PFAS: variants seen among roughly 807,000 people sequenced by gnomAD.
The protein encoded by PFAS is phosphoribosylformylglycinamidine synthase, also known as FGAM synthase.
PFAS carries 97 observed loss-of-function variants against 140.6 expected under a neutral mutation model. The observed-to-expected ratio is 0.69, with a 90% CI of 0.59 to 0.82. The LOEUF (loss-of-function observed/expected upper bound fraction) is 0.82. PFAS is among the 40% of genes least tolerant of loss of function. The pLI is 0.00. For missense variants in PFAS, 1,656 were observed against 1,780.2 expected, an observed-to-expected ratio of 0.93 and a Z score of 1.26; for synonymous variants, 679 against 718.8, an observed-to-expected ratio of 0.94 and a Z score of 0.88.
In PFAS at chr17:8,255,555, CGACCGGATGACAGAGCAGCACT is replaced by C; in HGVS notation, c.439_460del (p.Asp147SerfsTer42). 6.5e-7 allele frequency: 1 copy of C among 1,543,506 alleles called. No individual in the cohort carries two copies. Among genetic ancestry groups the C allele is most frequent in the Non-Finnish European group, 8.7e-7 (1 of 1,151,334 alleles). ...AAGCCATTGCTCTGGCTACCCTGCA[CGACCGGATGACAGAGCAGCACT>C]TCCCCCATCCCATCCAGAGTTTCTC... On this transcript the variant is annotated frameshift_variant, in exon 5 of 28. Coordinates refer to ENST00000314666, the MANE Select transcript of PFAS (RefSeq NM_012393.3). LOFTEE classifies it high-confidence loss of function.
chr17:8,269,880 C>G lies in PFAS; in HGVS notation c.*616C>G, dbSNP rs376809791. ...TATTTGCTTCTAAATTAGCAGCTCT[C>G]TTTTTTTTTTTTTTTTTGAGGCAGT... is the stretch of plus-strand genomic sequence containing the variant. On this transcript the variant is annotated 3_prime_UTR_variant, in exon 28 of 28. Transcript: ENST00000314666. 1 of 138,912 alleles carries G rather than the reference C, an allele frequency of 7.2e-6. No individual in the cohort carries two copies. The highest frequency in any genetic ancestry group is 2.6e-5 in the African/African-American group (1 of 37,994). The allele number at this position is 138,912 out of a possible 1,614,324, so 8.6% of individuals were successfully genotyped here. A position where few individuals can be genotyped will look rare whatever the true frequency, so the allele number is the denominator to read the frequency against.
At position 8,256,255 on chromosome 17, in the gene PFAS, C is replaced by T. The variant is rs753373433; in HGVS notation, c.681-12C>T. The T allele has an allele frequency of 8.1e-6, 13 of 1,612,516 alleles. No individual in the cohort carries two copies. Among genetic ancestry groups the T allele is most frequent in the African/African-American group, 1.3e-5 (1 of 74,918 alleles). ...TCCACCTGCCTTCCCCTCCCTGCAT[C>T]GCCCCCTGCAGCGAGCACAGCCGAC... On this transcript the variant is annotated splice_polypyrimidine_tract_variant and intron_variant, in intron 6 of 27. Transcript: ENST00000314666.
At chr17:8,254,447 C>A in intron 3 of PFAS, 146 bp downstream of exon 3, 2 of 854,316 alleles carry the variant, frequency 2.3e-6, no homozygotes, top group Non-Finnish European at 3.7e-6. Flanking sequence ...TAGATCCCTC[C>A]AAAGACCTAG....
chr17:8,269,570 G>A lies in PFAS; in HGVS notation c.*306G>A. On this transcript the variant is annotated 3_prime_UTR_variant, in exon 28 of 28. Transcript: ENST00000314666. Reference sequence around the variant, plus strand: ...TGAGGTCCGAACAGGGGCTTCTGTTGCCCACTTCACAACACCCAGTGATCA... The same window carrying A: ...TGAGGTCCGAACAGGGGCTTCTGTTACCCACTTCACAACACCCAGTGATCA... The A allele has an allele frequency of 3.1e-6, 1 of 326,046 alleles. No homozygotes were observed. Among genetic ancestry groups the A allele is most frequent in the Non-Finnish European group, 5.7e-6 (1 of 176,582 alleles). The allele number at this position is 326,046 out of a possible 1,614,324, so 20.2% of individuals were successfully genotyped here. A position where few individuals can be genotyped will look rare whatever the true frequency, so the allele number is the denominator to read the frequency against.
chr17:8,258,572 G>C (rs922520246), intron 11 of PFAS, among the ~76,000 whole-genome samples: 16 of 152,260 alleles, frequency 1.1e-4, no homozygotes, highest in Admixed American at 1.0e-3. Flanking sequence ...CAGGCAGGGT[G>C]GCTCGCACCT....
At chr17:8,257,440 C>T (rs932686679) in intron 9 of PFAS, among the ~76,000 whole-genome samples, 1 of 152,226 alleles carries the variant, frequency 6.6e-6, no homozygotes, top group Admixed American at 6.5e-5. Flanking sequence ...CCTATAGTCC[C>T]AGCTACTCAG....
At chr17:8,260,006 C>T (rs62063139) in intron 11 of PFAS, among the ~76,000 whole-genome samples, 13,081 of 151,532 alleles carry the variant, frequency 0.086, 906 homozygotes, top group African/African-American at 0.18. Flanking sequence ...GAGGCTGAGG[C>T]AGGAGAATCA....
At chr17:8,258,300 A>G (rs1989456506) in intron 11 of PFAS, 101 bp downstream of exon 11, 5 of 1,278,932 alleles carry the variant, frequency 3.9e-6, no homozygotes, top group South Asian at 1.3e-5. Context: ...GTTAGTTTTT[A>G]ATATGTTGGC....
chr17:8,266,982 G>C lies in PFAS; in HGVS notation c.2968-46G>C, dbSNP rs760988362. On this transcript the variant is annotated intron_variant, in intron 23 of 27. Transcript: ENST00000314666. This position sits in a 1 kb window ranked among gnomAD's most constrained non-coding sequence, Gnocchi z 5.0. ...TCCATCCCTCTCCCACTGTGGAGGG[G>C]GCCATCCTTTCTCCTAGCCCGTGGG... is the stretch of plus-strand genomic sequence containing the variant. The C allele has an allele frequency of 6.2e-7, 1 of 1,608,940 alleles. No homozygotes were observed. The highest frequency in any genetic ancestry group is 1.7e-5 in the Admixed American group (1 of 59,934).
intron 1 of PFAS, among the ~76,000 whole-genome samples, chr17:8,252,608 G>T (rs1010993119): frequency 1.3e-5 from 2 of 150,996 alleles, no homozygotes; most frequent in African/African-American, 4.9e-5. Flanking sequence ...GTTTCACCAT[G>T]TTGGTCAGGC....
chr17:8,258,184 G>C lies in PFAS; in HGVS notation c.1321G>C (p.Glu441Gln), dbSNP rs1338613308. The change falls in exon 11 of 28, where the codon GAG becomes CAG. Residue 441 changes from glutamate (E) to glutamine (Q), a missense_variant. Coordinates refer to ENST00000314666, the MANE Select transcript of PFAS (RefSeq NM_012393.3). ...CATGGAAGCTGACCACATAAGCAAG[G>C]AGGCCCCAGAGCCAGGTAAGAGCCT... is the stretch of plus-strand genomic sequence containing the variant. Reference protein sequence around the residue: ...GSMEADHISKEAPEPGMEVVK... With the variant: ...GSMEADHISKQAPEPGMEVVK... 1.9e-6 allele frequency: 3 copies of C among 1,614,006 alleles called. No homozygotes were observed. In the South Asian group the frequency reaches 3.3e-5, roughly 18 times the overall value.
chr17:8,255,907 A>G lies in PFAS; in HGVS notation c.677A>G (p.Asn226Ser), dbSNP rs1352077279. The G allele has an allele frequency of 2.5e-6, 4 of 1,609,674 alleles. No homozygotes were observed. Among genetic ancestry groups the G allele is most frequent in the South Asian group, 2.2e-5 (2 of 91,012 alleles). Reference sequence around the variant, plus strand: ...GAGGCCTTTGACTTGGCGCAGTCCAATAGGTGAGGAGAAATGGGGTTGTTC... The same window carrying G: ...GAGGCCTTTGACTTGGCGCAGTCCAGTAGGTGAGGAGAAATGGGGTTGTTC... Reference protein sequence around the residue: ...TVEAFDLAQSNSEHSRHWFFK... With the variant: ...TVEAFDLAQSSSEHSRHWFFK... Residue 226 changes from asparagine (N) to serine (S), a missense_variant, in exon 6 of 28, where the codon AAT becomes AGT. By Grantham distance (46) the Asn-to-Ser change is conservative. Transcript: ENST00000314666.
chr17:8,265,988 C>A lies in PFAS; in HGVS notation c.2672C>A (p.Ala891Asp). The change falls in exon 21 of 28, where the codon GCC (alanine) becomes GAC (aspartate). Residue 891 changes from alanine to aspartate, a missense_variant. Coordinates refer to ENST00000314666, the MANE Select transcript of PFAS (RefSeq NM_012393.3). Reference protein sequence around the residue: ...DLDLPENLVRAFSITQGLLKD... With the variant: ...DLDLPENLVRDFSITQGLLKD... ...GACCTTCCTGAGAACTTGGTGCGGGCCTTCAGCATCACTCAGGGGCTGCTG... is the reference window on the plus strand; with the variant it reads ...GACCTTCCTGAGAACTTGGTGCGGGACTTCAGCATCACTCAGGGGCTGCTG... 6.2e-7 allele frequency: 1 copy of A among 1,611,922 alleles called. No individual in the cohort carries two copies. The highest frequency in any genetic ancestry group is 8.5e-7 in the Non-Finnish European group (1 of 1,178,768).
At chr17:8,259,830 G>A (rs1276801174) in intron 11 of PFAS, among the ~76,000 whole-genome samples, 1 of 152,018 alleles carries the variant, frequency 6.6e-6, no homozygotes, top group Non-Finnish European at 1.5e-5. Flanking sequence ...GCTGAGTGTG[G>A]TGGCTCACGC....
upstream of PFAS, chr17:8,248,030 C>A (rs753006313): frequency 1.9e-6 from 3 of 1,610,086 alleles, no homozygotes; most frequent in Non-Finnish European, 2.5e-6. Context: ...GCCCGGCCAG[C>A]CGCCATGATG....
intron 11 of PFAS, 95 bp downstream of exon 11, chr17:8,258,294 G>A (rs1005722456): frequency 1.5e-6 from 2 of 1,333,694 alleles, no homozygotes; most frequent in Non-Finnish European, 2.1e-6. Context: ...TCAGTGGTTA[G>A]TTTTTAATAT....
At chr17:8,254,454 C>G (rs1989280122) in intron 3 of PFAS, among the ~76,000 whole-genome samples, 153 bp downstream of exon 3, 2 of 152,186 alleles carry the variant, frequency 1.3e-5, no homozygotes, top group African/African-American at 2.4e-5. Context: ...CTCCAAAGAC[C>G]TAGCCTGCTC....
intron 13 of PFAS, 82 bp from the exon 14 acceptor site, chr17:8,263,493 A>G (rs1249059423): frequency 8.1e-7 from 1 of 1,229,094 alleles, no homozygotes; most frequent in South Asian, 1.2e-5. Context: ...ACCAAATTAC[A>G]GGCCCCTTTG....
At chr17:8,252,102 T>TG (rs1989177980) in intron 1 of PFAS, among the ~76,000 whole-genome samples, 1 of 151,824 alleles carries the variant, frequency 6.6e-6, no homozygotes, top group Non-Finnish European at 1.5e-5. Context: ...GAGACCAGCC[T>TG]GGCGAACATA....
Sources: allele counts gnomAD v4.1 joint callset (sites outside exome capture counted in the v4.1 genomes callset), GRCh38; gene constraint gnomAD v4.1.1; non-coding constraint Gnocchi (gnomAD v3.1); transcripts MANE v1.5; gene names NCBI Gene and HGNC (gene_info 2026-07-23, HGNC 2026-07-21).